KCNN2: variants seen among roughly 807,000 people sequenced by gnomAD.
KCNN2 encodes small conductance calcium-activated potassium channel protein 2.
KCNN2 carries 24 observed loss-of-function variants against 55.5 expected under a neutral mutation model. That is an observed-to-expected ratio of 0.43 (90% CI 0.31 to 0.61). The LOEUF is 0.61. Among genes scored for constraint, KCNN2 ranks in the 20% least tolerant of loss-of-function variants. KCNN2 has a pLI of 0.08. For synonymous variants in KCNN2, 431 were observed against 336.1 expected (o/e 1.28, Z -3.09); for missense variants, 754 against 853.6 (o/e 0.88, Z 1.45).
intron 2 of KCNN2, among the ~76,000 whole-genome samples, chr5:114,247,367 A>C (rs565384609): frequency 1.3e-5 from 2 of 152,166 alleles, no homozygotes; most frequent in East Asian, 3.9e-4. Context: ...ATAAATGTTC[A>C]TGAAGTTTCC....
At chr5:114,387,872 A>T (rs567047497) in intron 2 of KCNN2, among the ~76,000 whole-genome samples, 1 of 152,180 alleles carries the variant, frequency 6.6e-6, no homozygotes, top group East Asian at 1.9e-4. Context: ...CTCTGCTCCC[A>T]CTCAGATATT....
Position 114,076,034 on chromosome 5 carries a change from C to T in KCNN2, c.-271+19534C>T, listed in dbSNP as rs376615664. On this transcript the variant is annotated intron_variant, in intron 1 of 10. Transcript: ENST00000512097. ...TAGATTTAGAATAGTTTGTTACGCA[C>T]CACTACTAATAGTTTGTTAGGCAGC... Among the ~76,000 whole-genome samples, 89 of 152,332 alleles carry T rather than the reference C, an allele frequency of 5.8e-4. 1 individual carries two copies. The highest frequency in any genetic ancestry group is 3.4e-3 in the Middle Eastern group (1 of 294).
chr5:114,447,991 A>C (rs978694701), intron 3 of KCNN2, among the ~76,000 whole-genome samples: 1 of 152,204 alleles, frequency 6.6e-6, no homozygotes. Flanking sequence ...TGAAAGCTAC[A>C]TGATCTATTT....
intron 2 of KCNN2, among the ~76,000 whole-genome samples, chr5:114,326,960 C>T (rs1015686280): frequency 2.6e-5 from 4 of 152,166 alleles, no homozygotes; most frequent in Non-Finnish European, 5.9e-5. Flanking sequence ...TTTCTATCTC[C>T]ACCTGGCTCC....
chr5:114,388,535 G>A (rs1454314389), intron 2 of KCNN2, among the ~76,000 whole-genome samples: 1 of 151,974 alleles, frequency 6.6e-6, no homozygotes, highest in African/African-American at 2.4e-5. Context: ...TAATCATATG[G>A]TTATGTTGAT....
At chr5:114,479,516 G>C (rs1278634269) in intron 5 of KCNN2, among the ~76,000 whole-genome samples, 1 of 152,144 alleles carries the variant, frequency 6.6e-6, no homozygotes, top group Non-Finnish European at 1.5e-5. Context: ...AATTGTAACA[G>C]AGATATTCAG....
At chr5:114,095,805 A>G (rs1022146723) in intron 1 of KCNN2, among the ~76,000 whole-genome samples, 3 of 151,612 alleles carry the variant, frequency 2.0e-5, no homozygotes, top group African/African-American at 7.3e-5. Flanking sequence ...GTGTCCCCCA[A>G]TAATTTTTTT....
At chr5:114,152,022 AT>A (rs1561497479) in intron 1 of KCNN2, among the ~76,000 whole-genome samples, 2 of 152,246 alleles carry the variant, frequency 1.3e-5, no homozygotes, top group East Asian at 3.9e-4. Flanking sequence ...GCTAATACCT[AT>A]TTTTCAGTTT....
intron 2 of KCNN2, among the ~76,000 whole-genome samples, chr5:114,302,305 G>T (rs1756182235): frequency 6.6e-6 from 1 of 152,136 alleles, no homozygotes; most frequent in South Asian, 2.1e-4. Context: ...TTCTACCGTG[G>T]CTAGCACAAT....
intron 4 of KCNN2, among the ~76,000 whole-genome samples, chr5:114,472,500 T>A (rs1441847808): frequency 1.3e-5 from 2 of 152,188 alleles, no homozygotes; most frequent in Non-Finnish European, 2.9e-5. Flanking sequence ...TTGCCCAGGT[T>A]AAGATCACTG....
In KCNN2 at chr5:114,209,348, C is replaced by G. The variant is rs114603037; in HGVS notation, c.-270-12132C>G. Among the ~76,000 whole-genome samples, 668 of 152,094 alleles carry G rather than the reference C, an allele frequency of 4.4e-3. 1 individual carries two copies. The highest frequency in any genetic ancestry group is 6.8e-3 in the Middle Eastern group (2 of 294). ...TGCTTGCTCCTTAAATGTCACTATT[C>G]CTTTAAATTCCATTTCCTTTTCTTC... is the stretch of plus-strand genomic sequence containing the variant. On this transcript the variant is annotated intron_variant, in intron 1 of 10. Coordinates refer to the KCNN2 transcript ENST00000512097.
At chr5:114,158,319 G>A (rs1405936603) in intron 1 of KCNN2, among the ~76,000 whole-genome samples, 1 of 152,122 alleles carries the variant, frequency 6.6e-6, no homozygotes. Flanking sequence ...TTGTAGTTAT[G>A]CGGCATTATT....
chr5:114,165,295 C>T (rs1752885835), intron 1 of KCNN2, among the ~76,000 whole-genome samples: 1 of 152,188 alleles, frequency 6.6e-6, no homozygotes, highest in Non-Finnish European at 1.5e-5. Context: ...TCCTCTACCT[C>T]TTCAGCCTAC....
At chr5:114,173,853 A>G (rs1753087774) in intron 1 of KCNN2, among the ~76,000 whole-genome samples, 1 of 152,022 alleles carries the variant, frequency 6.6e-6, no homozygotes, top group Admixed American at 6.6e-5. Context: ...GAAAATCATT[A>G]GTGATACTAG....
In KCNN2 at chr5:114,368,277, A is replaced by T. The variant is rs11739812; in HGVS notation, c.1218+4276A>T. ...AGGGACAACTGTAATTATATAATAA[A>T]TAGCATTAGGAGAAGCAACAATGTT... On this transcript the variant is annotated intron_variant, in intron 2 of 7. Transcript: ENST00000673685. Among the ~76,000 whole-genome samples the T allele has an allele frequency of 5.9e-3, 906 of 152,336 alleles. 5 individuals are homozygous for T. The highest frequency in any genetic ancestry group is 0.027 in the Middle Eastern group (8 of 294).
rs532083448 is a variant in KCNN2 at position 114,228,191 on chromosome 5, G to T, written c.-185+6626G>T. ...TCTTGAGATGTCATTTCAATTATTA[G>T]AATCAAATTCTCTTTCAACTGAAAA... On this transcript the variant is annotated intron_variant, in intron 2 of 10. Transcript: ENST00000512097. Among the ~76,000 whole-genome samples the T allele has an allele frequency of 1.6e-4, 24 of 152,172 alleles. No individual in the cohort carries two copies. The South Asian group carries it at 5.0e-3, about 32-fold the overall frequency.
At chr5:114,298,162 A>G (rs1756069807) in intron 2 of KCNN2, among the ~76,000 whole-genome samples, 1 of 152,178 alleles carries the variant, frequency 6.6e-6, no homozygotes, top group South Asian at 2.1e-4. Flanking sequence ...CAGGCTCAGG[A>G]AAAGAAACCA....
chr5:114,070,949 G>A (rs2954379), intron 1 of KCNN2, among the ~76,000 whole-genome samples: 133,106 of 152,288 alleles, frequency 0.87, 58,329 homozygotes, highest in Non-Finnish European at 0.9. Context: ...CAACATATTC[G>A]TATATTACCT....
chr5:114,240,427 CTTTTTTTTT>C (rs201223682), intron 2 of KCNN2, among the ~76,000 whole-genome samples: 25 of 130,354 alleles, frequency 1.9e-4, no homozygotes, highest in Non-Finnish European at 2.3e-4. Flanking sequence ...TTTTCTTTCT[CTTTTTTTTT>C]TTTTTTTTTT....
Sources: allele counts gnomAD v4.1 joint callset (sites outside exome capture counted in the v4.1 genomes callset), GRCh38; gene constraint gnomAD v4.1.1; transcripts MANE v1.5; gene names NCBI Gene and HGNC (gene_info 2026-07-23, HGNC 2026-07-21).